ELF1: variants seen among roughly 807,000 people sequenced by gnomAD.
ELF1 encodes the protein E74 like ETS transcription factor 1.
A neutral mutation model predicts 59.9 loss-of-function variants in ELF1; 24 were observed. That is an observed-to-expected ratio of 0.40 (90% CI 0.29 to 0.56). The LOEUF (loss-of-function observed/expected upper bound fraction) is 0.56, where lower values mean the gene tolerates loss of function less well. Ranked by LOEUF, ELF1 falls within the 20% of genes least tolerant of loss-of-function variation. ELF1 has a pLI of 0.44. For synonymous variants in ELF1, 248 were observed against 266.2 expected (o/e 0.93, Z 0.67); for missense variants, 627 against 742.2 (o/e 0.84, Z 1.80).
intron 1 of ELF1, among the ~76,000 whole-genome samples, chr13:41,057,560 C>T (rs187058594): frequency 2.0e-5 from 3 of 152,062 alleles, no homozygotes; most frequent in Admixed American, 6.6e-5. Context: ...GGTGCCACCA[C>T]GCCTGGCTAA....
At chr13:40,949,675 C>T in intron 5 of ELF1, 131 bp downstream of exon 5, 1 of 1,150,466 alleles carries the variant, frequency 8.7e-7, no homozygotes, top group South Asian at 1.7e-5. Flanking sequence ...TCATAATTTC[C>T]ATTTTGTGCC....
In ELF1 at chr13:40,941,319, C is replaced by A; in HGVS notation, c.858G>T (p.Val286=). The A allele has an allele frequency of 6.2e-7, 1 of 1,612,794 alleles. No individual in the cohort carries two copies. The highest frequency in any genetic ancestry group is 8.5e-7 in the Non-Finnish European group (1 of 1,179,754). ...CTTTTGGCATTTCTTTAAACTGATACACCAAGCGCTGACCTTCCACTTTTG... is the reference window on the plus strand; with the variant it reads ...CTTTTGGCATTTCTTTAAACTGATAAACCAAGCGCTGACCTTCCACTTTTG... ...ILAKVEGQRL[V]YQFKEMPKDL... Residue 286 remains valine, a synonymous_variant, in exon 8 of 9, where the codon GTG becomes GTT. Transcript: ENST00000239882.
Position 41,003,028 on chromosome 13 carries a change from CT to C in ELF1, c.-229+16199del, listed in dbSNP as rs199668461. ...CTTTTATTTTCTTAATATTTACTTA[CT>C]AAAATTCTTCATTAAACAGTAAAAG... On this transcript the variant is annotated intron_variant, in intron 1 of 8. Transcript: ENST00000239882. Among the ~76,000 whole-genome samples the C allele has an allele frequency of 2.6e-3, 402 of 152,224 alleles. 7 individuals carry two copies. In the East Asian group the frequency reaches 0.052, roughly 20 times the overall value.
At chr13:40,952,721 A>C (rs1004065654) in intron 3 of ELF1, among the ~76,000 whole-genome samples, 1 of 152,078 alleles carries the variant, frequency 6.6e-6, no homozygotes, top group African/African-American at 2.4e-5. Flanking sequence ...GAAAATTTTA[A>C]ACAAAATAAA....
Position 40,941,253 on chromosome 13 carries a change from T to C in ELF1, c.924A>G (p.Ile308Met), listed in dbSNP as rs754334265. ...AAGATAGCGATGGATCTGAAGACTC[T>C]ATGCTGGAACTTGGATCCTCATCAT... ...YINDEDPSSS[I>M]ESSDPSLSSS... The change falls in exon 8 of 9, where the codon ATA (isoleucine) becomes ATG (methionine). Residue 308 changes from isoleucine to methionine, a missense_variant. Physicochemically the swap from Ile to Met is conservative, Grantham distance 10. Transcript: ENST00000239882. The C allele has an allele frequency of 1.2e-6, 2 of 1,614,208 alleles. No individual in the cohort carries two copies. The highest frequency in any genetic ancestry group is 2.2e-5 in the East Asian group (1 of 44,884).
At chr13:41,029,254 G>A (rs1319483702) in intron 1 of ELF1, among the ~76,000 whole-genome samples, 1 of 152,216 alleles carries the variant, frequency 6.6e-6, no homozygotes, top group Non-Finnish European at 1.5e-5. Flanking sequence ...CCACATGGGT[G>A]CCAAGTTGAC....
upstream of ELF1, chr13:41,019,407 T>C: frequency 1.0e-6 from 1 of 985,350 alleles, no homozygotes; most frequent in Non-Finnish European, 1.2e-6. Context: ...TGGACCCAAT[T>C]ATTCTGCTAG....
intron 1 of ELF1, among the ~76,000 whole-genome samples, chr13:41,045,745 A>G (rs1876816402): frequency 6.6e-6 from 1 of 152,180 alleles, no homozygotes. Context: ...GCTGAGAAGA[A>G]TGTATATTCT....
At chr13:40,951,471 A>C in intron 3 of ELF1, 35 bp from the exon 4 acceptor site, 10 of 1,540,446 alleles carry the variant, frequency 6.5e-6, no homozygotes, top group Non-Finnish European at 8.1e-6. Flanking sequence ...TAAATTAACT[A>C]CGAGACATCT....
At chr13:40,997,097 C>A (rs762464927) in intron 1 of ELF1, among the ~76,000 whole-genome samples, 1 of 152,166 alleles carries the variant, frequency 6.6e-6, no homozygotes. Flanking sequence ...GACATAATCT[C>A]CAGGGAAATA....
chr13:41,006,091 A>AC (rs1461647537), intron 1 of ELF1, among the ~76,000 whole-genome samples: 1 of 152,238 alleles, frequency 6.6e-6, no homozygotes, highest in Non-Finnish European at 1.5e-5. Flanking sequence ...CTTAACATAT[A>AC]CCTAATAATC....
At chr13:41,017,587 C>G (rs11147833) in intron 1 of ELF1, among the ~76,000 whole-genome samples, 50,057 of 151,908 alleles carry the variant, frequency 0.33, 9,834 homozygotes, top group Middle Eastern at 0.48. Context: ...CTTTTTACCC[C>G]CCCTTCTCCC....
intron 1 of ELF1, among the ~76,000 whole-genome samples, chr13:41,045,163 C>T (rs192937122): frequency 9.3e-5 from 14 of 151,100 alleles, no homozygotes; most frequent in African/African-American, 3.2e-4. Flanking sequence ...TTTTTTATTG[C>T]ATCTATTTGA....
intron 1 of ELF1, among the ~76,000 whole-genome samples, chr13:41,048,389 G>C (rs111482557): frequency 2.6e-5 from 4 of 152,146 alleles, no homozygotes; most frequent in Non-Finnish European, 5.9e-5. Flanking sequence ...CTGTAGACTG[G>C]AGCTGTTCTT....
At position 40,972,335 on chromosome 13, in the gene ELF1, G is replaced by C. The variant is rs569199901; in HGVS notation, c.72+9648C>G. On this transcript the variant is annotated intron_variant, in intron 2 of 8. Coordinates refer to ENST00000239882, the MANE Select transcript of ELF1 (RefSeq NM_172373.4). ...AAACTATGTCGAAACAAATGTTAAA[G>C]GAAAATGCTCCCTTACGGCATAAGT... 3.1e-3 allele frequency among the ~76,000 whole-genome samples: 469 copies of C among 152,262 alleles called. 3 individuals are homozygous for C. The highest frequency in any genetic ancestry group is 0.011 in the African/African-American group (445 of 41,556).
At chr13:41,047,049 C>T (rs1454573569) in intron 1 of ELF1, among the ~76,000 whole-genome samples, 1 of 152,186 alleles carries the variant, frequency 6.6e-6, no homozygotes, top group African/African-American at 2.4e-5. Flanking sequence ...CACTGATACC[C>T]TTTCTTCCAG....
Position 40,958,826 on chromosome 13 carries a change from A to G in ELF1, c.253+10T>C, listed in dbSNP as rs1871621046. 7 of 1,601,714 alleles carry G rather than the reference A, an allele frequency of 4.4e-6. No individual in the cohort carries two copies. The highest frequency in any genetic ancestry group is 6.0e-6 in the Non-Finnish European group (7 of 1,173,638). ...TGCAGCAAGGTCCTACTGGATGGAG[A>G]CACACGCACCTGTAAGGGTGATGTC... On this transcript the variant is annotated intron_variant, in intron 3 of 8. Transcript: ENST00000239882.
At chr13:40,955,928 CGCCCCGTCCGGG>C (rs1566170994) in intron 3 of ELF1, among the ~76,000 whole-genome samples, 5 of 129,452 alleles carry the variant, frequency 3.9e-5, no homozygotes, top group African/African-American at 1.4e-4. Flanking sequence ...CCCGGCCAGC[CGCCCCGTCCGGG>C]AGGGAGGCGG....
intron 8 of ELF1, among the ~76,000 whole-genome samples, 157 bp downstream of exon 8, chr13:40,940,764 T>C (rs115451606): frequency 1.6e-3 from 248 of 152,332 alleles, no homozygotes; most frequent in African/African-American, 5.7e-3. Context: ...AGGACTGACA[T>C]AATAGTAACT....
Sources: allele counts gnomAD v4.1 joint callset (sites outside exome capture counted in the v4.1 genomes callset), GRCh38; gene constraint gnomAD v4.1.1; transcripts MANE v1.5; gene names NCBI Gene and HGNC (gene_info 2026-07-23, HGNC 2026-07-21).